The following SRD5A2 variants were observed in gnomAD, a reference collection of about 807,000 sequenced individuals.
The protein encoded by SRD5A2 is steroid 5 alpha-reductase 2, also known as 3-oxo-5-alpha-steroid 4-dehydrogenase 2.
Under a neutral mutation model 27.4 loss-of-function variants are expected in SRD5A2, and 30 were observed. The observed-to-expected ratio is 1.10, with a 90% CI of 0.82 to 1.49. The LOEUF (loss-of-function observed/expected upper bound fraction) is 1.49, where lower values mean the gene tolerates loss of function less well. Ranked by LOEUF, SRD5A2 falls within the 40% of genes most tolerant of loss-of-function variation. The probability of loss-of-function intolerance (pLI) is 0.00; values close to 1 mark genes in which losing one functional copy is unlikely to be tolerated. For synonymous variants in SRD5A2, 141 were observed against 133.6 expected (o/e 1.06, Z -0.38); for missense variants, 348 against 323.4 (o/e 1.08, Z -0.58).
chr2:31,529,820 C>T (rs990659319), intron 3 of SRD5A2, among the ~76,000 whole-genome samples: 1 of 152,092 alleles, frequency 6.6e-6, no homozygotes, highest in Non-Finnish European at 1.5e-5. Context: ...CTTACCTCCC[C>T]GCTCCTTTCC....
Position 31,529,376 on chromosome 2 carries a change from G to C in SRD5A2, c.629C>G (p.Ser210Cys). 1 of 1,613,978 alleles carries C rather than the reference G, an allele frequency of 6.2e-7. No homozygotes were observed. ...EWIGYALATW[S>C]LPALAFAFFS... is the part of the protein sequence containing the mutation. ...AAATGCAAATGCAAGTGCTGGGAGG[G>C]ACCAAGTGGCCAGGGCATAGCCGAT... Residue 210 changes from serine to cysteine, a missense_variant, in exon 4 of 5, where the codon TCC becomes TGC. Coordinates refer to ENST00000622030, the MANE Select transcript of SRD5A2 (RefSeq NM_000348.4).
At chr2:31,604,109 C>T in the SRD5A2 span, among the ~76,000 whole-genome samples, 1 of 151,666 alleles carries the variant, frequency 6.6e-6, no homozygotes, top group Non-Finnish European at 1.5e-5. Flanking sequence ...TGCTCAAAAA[C>T]TGGGTATAGA....
intron 1 of SRD5A2, among the ~76,000 whole-genome samples, chr2:31,573,653 T>C (rs1666896510): frequency 6.6e-6 from 1 of 152,148 alleles, no homozygotes; most frequent in South Asian, 2.1e-4. Flanking sequence ...CCTTCCACTG[T>C]CCCTCACCCA....
chr2:31,536,330 C>G (rs974870596), intron 1 of SRD5A2, among the ~76,000 whole-genome samples: 1 of 152,214 alleles, frequency 6.6e-6, no homozygotes, highest in Non-Finnish European at 1.5e-5. Flanking sequence ...GCTCATGCCA[C>G]AGTAAGATGC....
chr2:31,538,256 G>A (rs778612825), intron 1 of SRD5A2, among the ~76,000 whole-genome samples: 4 of 152,074 alleles, frequency 2.6e-5, no homozygotes, highest in African/African-American at 9.7e-5. Context: ...CTCAGTAAAT[G>A]CCAAGTTTAT....
chr2:31,551,666 T>A (rs540042562), intron 1 of SRD5A2, among the ~76,000 whole-genome samples: 4 of 152,298 alleles, frequency 2.6e-5, no homozygotes, highest in African/African-American at 9.6e-5. Context: ...CATACCTTCA[T>A]ATAGTCAAAA....
At chr2:31,611,534 G>T in the SRD5A2 span, among the ~76,000 whole-genome samples, 1 of 152,042 alleles carries the variant, frequency 6.6e-6, no homozygotes, top group East Asian at 1.9e-4. Context: ...ATAGGCAAAA[G>T]ACTTAAAAAG....
chr2:31,610,219 A>G, the SRD5A2 span, among the ~76,000 whole-genome samples: 41 of 152,162 alleles, frequency 2.7e-4, no homozygotes, highest in Admixed American at 2.4e-3. Context: ...ATACTACAAG[A>G]AAGAAAACTA....
At chr2:31,579,928 C>G (rs28382996) in intron 1 of SRD5A2, among the ~76,000 whole-genome samples, 1 of 152,160 alleles carries the variant, frequency 6.6e-6, no homozygotes, top group Admixed American at 6.5e-5. Context: ...CATTTCAAGT[C>G]CCAGGGAAAT....
chr2:31,572,638 A>C (rs927850281), intron 1 of SRD5A2, among the ~76,000 whole-genome samples: 6 of 152,320 alleles, frequency 3.9e-5, no homozygotes, highest in Middle Eastern at 3.4e-3. Context: ...TGTTTATCAC[A>C]TGAGTAACTT....
the SRD5A2 span, among the ~76,000 whole-genome samples, chr2:31,618,082 C>T: frequency 1.4e-3 from 206 of 152,200 alleles, 1 homozygote; most frequent in African/African-American, 4.7e-3. Context: ...CTGGGGAGGC[C>T]TCACAATCAT....
chr2:31,566,750 T>C (rs1354082033), intron 1 of SRD5A2, among the ~76,000 whole-genome samples: 1 of 152,234 alleles, frequency 6.6e-6, no homozygotes, highest in African/African-American at 2.4e-5. Context: ...TTATGGGGTG[T>C]CATATCTCTG....
the SRD5A2 span, among the ~76,000 whole-genome samples, chr2:31,594,866 C>A: frequency 7.9e-5 from 12 of 152,198 alleles, no homozygotes; most frequent in East Asian, 2.1e-3. Flanking sequence ...CTCTGTCATA[C>A]CGCAGTAGAA....
chr2:31,639,082 G>T, the SRD5A2 span, among the ~76,000 whole-genome samples: 1 of 151,766 alleles, frequency 6.6e-6, no homozygotes, highest in Admixed American at 6.6e-5. Context: ...ATTATAGGTT[G>T]TTGCATTGCA....
At chr2:31,577,830 C>T (rs1008499125) in intron 1 of SRD5A2, among the ~76,000 whole-genome samples, 7 of 152,284 alleles carry the variant, frequency 4.6e-5, no homozygotes, top group Middle Eastern at 3.4e-3. Flanking sequence ...TGTTCATAAC[C>T]TTTGAACCAC....
intron 1 of SRD5A2, among the ~76,000 whole-genome samples, chr2:31,535,255 C>G (rs1276141092): frequency 1.1e-4 from 16 of 152,072 alleles, no homozygotes; most frequent in Admixed American, 1.0e-3. Flanking sequence ...CTCTTGACCT[C>G]GTGATCCACC....
intron 1 of SRD5A2, among the ~76,000 whole-genome samples, chr2:31,566,705 G>A (rs1374864150): frequency 6.6e-6 from 1 of 152,218 alleles, no homozygotes; most frequent in African/African-American, 2.4e-5. Context: ...CACACACGAA[G>A]TGTGACTTTT....
At chr2:31,587,461 A>C in the SRD5A2 span, among the ~76,000 whole-genome samples, 1 of 152,352 alleles carries the variant, frequency 6.6e-6, no homozygotes, top group African/African-American at 2.4e-5. Context: ...ACACATGTTT[A>C]TGGCAGCACT....
chr2:31,660,038 T>C, the SRD5A2 span, among the ~76,000 whole-genome samples: 21 of 152,072 alleles, frequency 1.4e-4, no homozygotes, highest in Non-Finnish European at 1.5e-5. Context: ...CTTTTTTTCA[T>C]TTCAGACTAT....
Sources: gnomAD v4.1 joint callset for allele counts (sites outside exome capture counted in the v4.1 genomes callset) on GRCh38, gnomAD v4.1.1 for gene constraint, MANE v1.5 for transcripts, NCBI Gene and HGNC (gene_info 2026-07-23, HGNC 2026-07-21) for gene names.